Variants in SLC1A7 observed in about 807,000 individuals in gnomAD.
SLC1A7 encodes solute carrier family 1 member 7.
SLC1A7 carries 40 observed loss-of-function variants against 47.7 expected under a neutral mutation model. The observed-to-expected ratio is 0.84, with a 90% CI of 0.65 to 1.09. The LOEUF (loss-of-function observed/expected upper bound fraction) is 1.09. SLC1A7 is among the 50% of genes least tolerant of loss of function. The pLI, the probability that SLC1A7 is intolerant of heterozygous loss-of-function variation, is 0.00. For missense variants in SLC1A7, 746 were observed against 769.5 expected, an observed-to-expected ratio of 0.97 and a Z score of 0.36; for synonymous variants, 323 against 325.6, an observed-to-expected ratio of 0.99 and a Z score of 0.09.
chr1:53,111,481 G>A (rs1297443355), intron 3 of SLC1A7, among the ~76,000 whole-genome samples: 1 of 152,218 alleles, frequency 6.6e-6, no homozygotes, highest in Non-Finnish European at 1.5e-5. Context: ...AAGCAGAGAG[G>A]AAGCGGAGGC....
At chr1:53,135,076 A>G (rs1167072457) in intron 1 of SLC1A7, among the ~76,000 whole-genome samples, 1 of 152,172 alleles carries the variant, frequency 6.6e-6, no homozygotes, top group African/African-American at 2.4e-5. Context: ...GCACGCAAGC[A>G]CTTAGCACAG....
chr1:53,091,188 C>T (rs1644417751), intron 7 of SLC1A7, among the ~76,000 whole-genome samples: 2 of 152,218 alleles, frequency 1.3e-5, no homozygotes. Context: ...ATCTTTGTCC[C>T]AAAAAGACCT....
At chr1:53,103,297 G>T in intron 5 of SLC1A7, 49 bp downstream of exon 5, 1 of 1,427,260 alleles carries the variant, frequency 7.0e-7, no homozygotes, top group Non-Finnish European at 9.5e-7. Flanking sequence ...GCTGGGAGGG[G>T]CTGGGGGCCC....
chr1:53,136,183 T>C (rs1644991656), intron 1 of SLC1A7, among the ~76,000 whole-genome samples: 1 of 146,894 alleles, frequency 6.8e-6, no homozygotes, highest in Admixed American at 6.9e-5. Flanking sequence ...ATATATATAA[T>C]TATATATTAT....
At chr1:53,108,732 G>T in intron 3 of SLC1A7, 1 of 704,906 alleles carries the variant, frequency 1.4e-6, no homozygotes, top group South Asian at 1.5e-5. Context: ...CACACAGGAG[G>T]GCAGGGCCTG....
At chr1:53,122,839 T>C (rs180685181) in intron 2 of SLC1A7, among the ~76,000 whole-genome samples, 102 of 152,292 alleles carry the variant, frequency 6.7e-4, no homozygotes, top group African/African-American at 2.4e-3. Context: ...GGGAAGAGCA[T>C]TGGGCCACAC....
intron 1 of SLC1A7, among the ~76,000 whole-genome samples, chr1:53,140,722 A>G (rs1645049250): frequency 1.3e-5 from 2 of 152,148 alleles, no homozygotes; most frequent in Admixed American, 1.3e-4. Flanking sequence ...CCTCATAATA[A>G]TTCTAGTAGA....
chr1:53,136,374 A>G (rs942286507), intron 1 of SLC1A7, among the ~76,000 whole-genome samples: 5 of 147,426 alleles, frequency 3.4e-5, no homozygotes, highest in Admixed American at 2.7e-4. Context: ...TGTGTATTTT[A>G]GTAGAGATGG....
chr1:53,108,012 C>A, intron 3 of SLC1A7: 1 of 152,670 alleles, frequency 6.6e-6, no homozygotes, highest in Non-Finnish European at 1.5e-5. Context: ...AATGACAGTG[C>A]ACAATGTGGG....
At chr1:53,100,004 C>T (rs1166589341) in intron 5 of SLC1A7, among the ~76,000 whole-genome samples, 1 of 151,090 alleles carries the variant, frequency 6.6e-6, no homozygotes, top group African/African-American at 2.5e-5. Flanking sequence ...TCTGAGTACA[C>T]TCACACACCT....
At chr1:53,121,687 C>G (rs1644826871) in intron 2 of SLC1A7, among the ~76,000 whole-genome samples, 1 of 152,240 alleles carries the variant, frequency 6.6e-6, no homozygotes, top group Non-Finnish European at 1.5e-5. Flanking sequence ...AGCCTGAACA[C>G]AGACATGTGT....
intron 2 of SLC1A7, among the ~76,000 whole-genome samples, chr1:53,125,705 G>C (rs1644874937): frequency 6.6e-6 from 1 of 152,184 alleles, no homozygotes; most frequent in Non-Finnish European, 1.5e-5. Context: ...GCATCCCTGT[G>C]GCCTGAGCAG....
rs140010762 is a variant in SLC1A7, at chr1:53,088,042, G to A, written c.1650C>T (p.Thr550=). Residue 550 remains threonine (T), a synonymous_variant, in exon 11 of 11, where the codon ACC becomes ACT. Transcript: ENST00000371494. The part of the protein sequence containing the change: ...ELPAASLNHC[T]IQISELETNV ...TGGTCTCCAGCTCACTGATCTGGAT[G>A]GTGCAGTGGTTCAGACTCGCAGCGG... The A allele has an allele frequency of 3.7e-3, 5,729 of 1,564,566 alleles. 65 individuals are homozygous for A. Among genetic ancestry groups the A allele is most frequent in the Non-Finnish European group, 2.5e-3 (2,861 of 1,149,794 alleles).
At chr1:53,107,496 G>A (rs1171896377) in intron 3 of SLC1A7, among the ~76,000 whole-genome samples, 2 of 152,238 alleles carry the variant, frequency 1.3e-5, no homozygotes, top group Non-Finnish European at 2.9e-5. Context: ...GCCAGGTGAA[G>A]GGTGTGTGGG....
chr1:53,136,572 T>TATATAATATATAAAC (rs1644998173), intron 1 of SLC1A7, among the ~76,000 whole-genome samples: 1 of 135,356 alleles, frequency 7.4e-6, no homozygotes, highest in Non-Finnish European at 1.6e-5. Context: ...TATATAAACA[T>TATATAATATATAAAC]ATATAATATA....
chr1:53,090,776 G>C lies in SLC1A7; in HGVS notation c.1062C>G (p.Cys354Trp). The C allele has an allele frequency of 6.2e-7, 1 of 1,613,118 alleles. No individual in the cohort carries two copies. The highest frequency in any genetic ancestry group is 8.5e-7 in the Non-Finnish European group (1 of 1,179,614). The change falls in exon 8 of 11, where the codon TGC (cysteine) becomes TGG (tryptophan). Residue 354 changes from cysteine to tryptophan, a missense_variant. Physicochemically the swap from Cys to Trp is radical, Grantham distance 215. Transcript: ENST00000371494. ...SSATLPITFK[C>W]LLENNHIDRR... ...GGTCGATGTGGTTGTTCTCCAGCAG[G>C]CACTTGAAGGTGATGGGCAGTGTGG...
At chr1:53,108,784 C>T in intron 3 of SLC1A7, 1 of 640,084 alleles carries the variant, frequency 1.6e-6, no homozygotes, top group Admixed American at 2.7e-5. Flanking sequence ...CACTTCTGGA[C>T]TGTTCTTCAG....
intron 2 of SLC1A7, among the ~76,000 whole-genome samples, chr1:53,125,764 G>A (rs771872365): frequency 1.3e-4 from 20 of 152,180 alleles, no homozygotes; most frequent in Non-Finnish European, 2.5e-4. Flanking sequence ...CAGAGCGTGC[G>A]GGACCTGCGT....
At chr1:53,125,130 A>T (rs772632614) in intron 2 of SLC1A7, among the ~76,000 whole-genome samples, 4 of 152,196 alleles carry the variant, frequency 2.6e-5, no homozygotes, top group Non-Finnish European at 5.9e-5. Context: ...GTGGCAGCAC[A>T]CGGAAGACGG....
Sources: gnomAD v4.1 joint callset for allele counts (sites outside exome capture counted in the v4.1 genomes callset) on GRCh38, gnomAD v4.1.1 for gene constraint, MANE v1.5 for transcripts, NCBI Gene and HGNC (gene_info 2026-07-23, HGNC 2026-07-21) for gene names.